Variants in PCDHA2 observed in about 807,000 individuals in gnomAD.
PCDHA2 encodes protocadherin alpha-2.
Under a neutral mutation model 66.0 loss-of-function variants are expected in PCDHA2, and 58 were observed. The observed-to-expected ratio is 0.88, with a 90% confidence interval of 0.71 to 1.09. The LOEUF (loss-of-function observed/expected upper bound fraction) is 1.09, where lower values mean the gene tolerates loss of function less well. Ranked by LOEUF, PCDHA2 falls within the 50% of genes least tolerant of loss-of-function variation. The pLI is 0.00. For synonymous variants in PCDHA2, 634 were observed against 554.0 expected, an observed-to-expected ratio of 1.14 and a Z score of -2.03; for missense variants, 1,267 against 1,242.3, an observed-to-expected ratio of 1.02 and a Z score of -0.30.
At chr5:141,000,757 C>A (rs1236279352) in intron 3 of PCDHA2, among the ~76,000 whole-genome samples, 1 of 151,158 alleles carries the variant, frequency 6.6e-6, no homozygotes, top group Non-Finnish European at 1.5e-5. Flanking sequence ...AAAAAAAAAT[C>A]TTAGCCAGGC....
intron 1 of PCDHA2, among the ~76,000 whole-genome samples, chr5:140,890,175 A>G (rs1488442027): frequency 6.6e-6 from 1 of 152,158 alleles, no homozygotes; most frequent in Non-Finnish European, 1.5e-5. Context: ...GAAATAGGCA[A>G]ATGCTACAAA....
In PCDHA2 at chr5:140,796,389, C is replaced by G. The variant is rs1762075987; in HGVS notation, c.1425C>G (p.Phe475Leu). The part of the protein sequence containing the change: ...KENNPPGCHI[F>L]TVSAWDADAQ... ...ACAACCCGCCGGGCTGCCACATCTT[C>G]ACGGTGTCAGCGTGGGATGCGGACG... The change falls in exon 1 of 4, where the codon TTC (phenylalanine) becomes TTG (leucine). Residue 475 changes from phenylalanine (F) to leucine (L), a missense_variant. Phe to Leu is a conservative substitution (Grantham distance 22, BLOSUM62 0). Coordinates refer to ENST00000526136, the MANE Select transcript of PCDHA2 (RefSeq NM_018905.3). 6.2e-7 allele frequency: 1 copy of G among 1,613,678 alleles called. No individual in the cohort carries two copies. The highest frequency in any genetic ancestry group is 1.7e-5 in the Admixed American group (1 of 59,996).
Position 140,849,743 on chromosome 5 carries a change from G to C in PCDHA2, c.2388+52391G>C. The C allele has an allele frequency of 1.9e-6, 3 of 1,598,504 alleles. No individual in the cohort carries two copies. The highest frequency in any genetic ancestry group is 2.6e-6 in the Non-Finnish European group (3 of 1,168,014). On this transcript the variant is annotated intron_variant, in intron 1 of 3. Transcript: ENST00000526136. ...TGCTGGACAGAGCTCTGGACCGCGA[G>C]AGTGTGTCCGCCTACGAGCTGGTGG...
At position 140,918,968 on chromosome 5, in the gene PCDHA2, G is replaced by A. The variant is rs1028863089; in HGVS notation, c.2389-59981G>A. Among the ~76,000 whole-genome samples, 5 of 152,196 alleles carry A rather than the reference G, an allele frequency of 3.3e-5. 1 individual carries two copies. The highest frequency in any genetic ancestry group is 5.9e-5 in the Non-Finnish European group (4 of 68,034). On this transcript the variant is annotated intron_variant, in intron 1 of 3. Transcript: ENST00000526136. ...TCCTGAACAGACTAAGACAGATATC[G>A]TTTAGGTTAGTTGGTTTTTAGTGTT...
chr5:140,920,029 T>C (rs1584162393), intron 1 of PCDHA2, among the ~76,000 whole-genome samples: 1 of 152,118 alleles, frequency 6.6e-6, no homozygotes, highest in African/African-American at 2.4e-5. Flanking sequence ...GAGACAGAGA[T>C]TGGAGTGATG....
rs1554151191 is a variant in PCDHA2, at chr5:140,858,123, T to A, written c.2388+60771T>A. The A allele has an allele frequency of 6.3e-7, 1 of 1,597,678 alleles. No individual in the cohort carries two copies. Among genetic ancestry groups the A allele is most frequent in the South Asian group, 1.1e-5 (1 of 90,530 alleles). ...GGCGTGGCGCCCGAGGTGGCCCTGG[T>A]GGATGTCAACGTGTACCTGATCATC... On this transcript the variant is annotated intron_variant, in intron 1 of 3. Coordinates refer to ENST00000526136, the MANE Select transcript of PCDHA2 (RefSeq NM_018905.3).
intron 1 of PCDHA2, among the ~76,000 whole-genome samples, chr5:140,891,797 C>A (rs2063254101): frequency 6.6e-6 from 1 of 152,136 alleles, no homozygotes; most frequent in Non-Finnish European, 1.5e-5. Context: ...TATGAGGGAT[C>A]TGCCCTCATG....
rs80062832 is a variant in PCDHA2 at position 140,889,250 on chromosome 5, C to T, written c.2389-89699C>T. ...AAAACTTCCAGAAAATTTTCTGTTT[C>T]CTGTAAAAGTTTGTATAATCTTTGA... On this transcript the variant is annotated intron_variant, in intron 1 of 3. Transcript: ENST00000526136. Among the ~76,000 whole-genome samples, 79 of 151,798 alleles carry T rather than the reference C, an allele frequency of 5.2e-4. No homozygotes were observed. In the East Asian group the frequency reaches 0.014, roughly 27 times the overall value.
chr5:140,877,465 G>A, intron 1 of PCDHA2: 1 of 1,613,856 alleles, frequency 6.2e-7, no homozygotes, highest in Non-Finnish European at 8.5e-7. Context: ...CACGGCCACG[G>A]TGCTGGTGTC....
chr5:140,825,854 C>T (rs1554130384), intron 1 of PCDHA2: 2 of 152,390 alleles, frequency 1.3e-5, no homozygotes. Context: ...GATACAAACT[C>T]CCCTCTTGAG....
chr5:140,923,529 A>C lies in PCDHA2; in HGVS notation c.2389-55420A>C, dbSNP rs915297152. Among the ~76,000 whole-genome samples the C allele has an allele frequency of 1.5e-4, 23 of 152,138 alleles. 1 individual carries two copies. The highest frequency in any genetic ancestry group is 1.2e-3 in the Admixed American group (19 of 15,268). On this transcript the variant is annotated intron_variant, in intron 1 of 3. Transcript: ENST00000526136. ...GGATGATGAAGTGAGATTCTGTCCC[A>C]AAAAAAGGACAAAATGAAATATCAG... is the stretch of plus-strand genomic sequence containing the variant.
chr5:140,905,327 T>G (rs1446614190), intron 1 of PCDHA2, among the ~76,000 whole-genome samples: 1 of 152,202 alleles, frequency 6.6e-6, no homozygotes, highest in Non-Finnish European at 1.5e-5. Flanking sequence ...TATGCTTTGT[T>G]GAAGATCAGT....
intron 1 of PCDHA2, among the ~76,000 whole-genome samples, chr5:140,958,215 T>G (rs1554223379): frequency 6.6e-6 from 1 of 152,132 alleles, no homozygotes; most frequent in Non-Finnish European, 1.5e-5. Context: ...GAATTAGATT[T>G]TAAAGGACTT....
chr5:140,965,748 C>T (rs1010303564), intron 1 of PCDHA2, among the ~76,000 whole-genome samples: 1 of 152,174 alleles, frequency 6.6e-6, no homozygotes, highest in Non-Finnish European at 1.5e-5. Flanking sequence ...TCCCCATTGT[C>T]GCCAAAATGG....
At chr5:140,924,646 G>A (rs2081930568) in intron 1 of PCDHA2, among the ~76,000 whole-genome samples, 1 of 152,122 alleles carries the variant, frequency 6.6e-6, no homozygotes, top group Non-Finnish European at 1.5e-5. Context: ...TGTAATCCCA[G>A]CACTTTGGGA....
intron 1 of PCDHA2, chr5:140,967,227 A>G (rs1586199202): frequency 1.2e-6 from 2 of 1,613,742 alleles, no homozygotes; most frequent in Admixed American, 1.7e-5. Flanking sequence ...CCCAACTACC[A>G]GCTTCAGGTA....
chr5:140,983,284 A>G (rs540419188), intron 3 of PCDHA2, among the ~76,000 whole-genome samples: 1 of 152,330 alleles, frequency 6.6e-6, no homozygotes, highest in East Asian at 1.9e-4. Context: ...GAGTATAGGA[A>G]AATTGCTTAA....
intron 1 of PCDHA2, among the ~76,000 whole-genome samples, chr5:140,888,038 T>C (rs1195921370): frequency 3.3e-5 from 5 of 152,238 alleles, no homozygotes; most frequent in Non-Finnish European, 7.3e-5. Context: ...TATTAGTACA[T>C]GTATAATAGA....
intron 1 of PCDHA2, among the ~76,000 whole-genome samples, chr5:140,897,478 G>T (rs1554187409): frequency 1.3e-5 from 2 of 151,844 alleles, no homozygotes; most frequent in African/African-American, 4.8e-5. Flanking sequence ...TGAGAATGAT[G>T]ATTTCCAATT....
Sources: gnomAD v4.1 joint callset for allele counts (sites outside exome capture counted in the v4.1 genomes callset) on GRCh38, gnomAD v4.1.1 for gene constraint, MANE v1.5 for transcripts, NCBI Gene and HGNC (gene_info 2026-07-23, HGNC 2026-07-21) for gene names.